ATAD2B: variants seen among roughly 807,000 people sequenced by gnomAD.
ATAD2B encodes ATPase family AAA domain-containing protein 2B.
A neutral mutation model predicts 167.6 loss-of-function variants in ATAD2B; 40 were observed. The ratio of observed to expected loss-of-function variants is 0.24; its 90% confidence interval spans 0.19 to 0.31. The LOEUF (loss-of-function observed/expected upper bound fraction) is 0.31. Ranked by LOEUF, ATAD2B falls within the 10% of genes least tolerant of loss-of-function variation. ATAD2B has a pLI of 1.00. For synonymous variants in ATAD2B, 579 were observed against 596.5 expected (o/e 0.97, Z 0.43); for missense variants, 1,242 against 1,757.2 (o/e 0.71, Z 5.24).
chr2:23,837,839 T>G (rs955092005), intron 13 of ATAD2B, among the ~76,000 whole-genome samples: 26 of 152,216 alleles, frequency 1.7e-4, no homozygotes, highest in Admixed American at 6.5e-5. Context: ...GGCTACCACT[T>G]TATGTTCAAC....
the ATAD2B span, among the ~76,000 whole-genome samples, chr2:23,700,649 G>T: frequency 2.0e-5 from 3 of 152,116 alleles, no homozygotes; most frequent in Non-Finnish European, 4.4e-5. This position sits in a 1 kb window ranked among gnomAD's most constrained non-coding sequence, Gnocchi z 4.6. Context: ...CTCAGCTCCG[G>T]ATTCTTTTCT....
chr2:23,762,280 A>G lies in ATAD2B; in HGVS notation c.3323T>C (p.Val1108Ala), dbSNP rs1484349101. 6.2e-7 allele frequency: 1 copy of G among 1,612,570 alleles called. No homozygotes were observed. Among genetic ancestry groups the G allele is most frequent in the Non-Finnish European group, 8.5e-7 (1 of 1,179,550 alleles). ...TTGTTTGTGCCGAAATGCCTCTTCG[A>G]CTCTAGTTTCTGTCTTCCGAGCTCC... Reference protein sequence around the residue: ...STGARKTETRVEEAFRHKQRN... With the variant: ...STGARKTETRAEEAFRHKQRN... Residue 1108 changes from valine (V) to alanine (A), a missense_variant, in exon 24 of 28, where the codon GTC (valine) becomes GCC (alanine). This residue lies in a region of ATAD2B where 204 missense variants were observed against 324.0 expected (regional missense o/e 0.63). Coordinates refer to ENST00000238789, the MANE Select transcript of ATAD2B (RefSeq NM_017552.4).
At chr2:23,764,408 T>A (rs113380833) in intron 23 of ATAD2B, among the ~76,000 whole-genome samples, 3 of 152,202 alleles carry the variant, frequency 2.0e-5, no homozygotes, top group African/African-American at 7.2e-5. Context: ...TCAGAGAATC[T>A]AATTCATAGG....
the ATAD2B span, among the ~76,000 whole-genome samples, chr2:23,721,815 C>T: frequency 2.0e-5 from 3 of 152,248 alleles, no homozygotes; most frequent in Non-Finnish European, 4.4e-5. Flanking sequence ...GCCCCCAGGC[C>T]AGCCAAGTGA....
chr2:23,761,402 C>T (rs146680333), intron 24 of ATAD2B, among the ~76,000 whole-genome samples: 3 of 152,338 alleles, frequency 2.0e-5, no homozygotes, highest in African/African-American at 4.8e-5. Context: ...TTCAAAGTAA[C>T]TGCTCGTTGG....
chr2:23,791,694 T>C (rs1189317524), intron 19 of ATAD2B, among the ~76,000 whole-genome samples: 1 of 152,248 alleles, frequency 6.6e-6, no homozygotes, highest in Non-Finnish European at 1.5e-5. Context: ...GCTTCATCCA[T>C]GTTACAACAT....
chr2:23,726,311 T>G, the ATAD2B span, among the ~76,000 whole-genome samples: 1 of 152,178 alleles, frequency 6.6e-6, no homozygotes. Flanking sequence ...CCCCAAAAAG[T>G]TAACTACTAA....
chr2:23,857,499 T>G lies in ATAD2B; in HGVS notation c.1484A>C (p.Tyr495Ser). Residue 495 changes from tyrosine (Y) to serine (S), a missense_variant, in exon 13 of 28, where the codon TAT becomes TCT. Physicochemically the swap from Tyr to Ser is moderately radical, Grantham distance 144. This residue lies in a region of ATAD2B where 151 missense variants were observed against 284.1 expected (regional missense o/e 0.53). Transcript: ENST00000238789. ...AAATATTATAGAAGGTCTCATCAAA[T>G]ATGCCTAGTAAGAAGAAAACAAATA... is the stretch of plus-strand genomic sequence containing the variant. ...RQLRLLFDQA[Y>S]LMRPSIIFFD... The G allele has an allele frequency of 5.1e-6, 7 of 1,384,916 alleles. No homozygotes were observed. The highest frequency in any genetic ancestry group is 6.7e-6 in the Non-Finnish European group (7 of 1,039,196). 85.8% of individuals were successfully genotyped at this position (1,384,916 alleles called of 1,614,324 possible). A position where few individuals can be genotyped will look rare whatever the true frequency, so the allele number is the denominator to read the frequency against.
intron 2 of ATAD2B, among the ~76,000 whole-genome samples, chr2:23,890,409 A>G (rs1699311688): frequency 6.6e-6 from 1 of 152,174 alleles, no homozygotes; most frequent in Non-Finnish European, 1.5e-5. Flanking sequence ...CACTGTATAC[A>G]ATGCACATGA....
intron 2 of ATAD2B, 80 bp downstream of exon 2, chr2:23,895,738 TA>T: frequency 9.8e-7 from 1 of 1,025,510 alleles, no homozygotes; most frequent in Non-Finnish European, 1.4e-6. Flanking sequence ...TTTTATAAGC[TA>T]AGAAAATTAG....
At chr2:23,746,268 C>T (rs563431552), downstream of ATAD2B, among the ~76,000 whole-genome samples, 2 of 152,328 alleles carry the variant, frequency 1.3e-5, no homozygotes, top group Admixed American at 6.5e-5. Context: ...AAACTGCCTA[C>T]ATTTGAATCC....
chr2:23,851,910 G>A (rs1010874805), intron 13 of ATAD2B, among the ~76,000 whole-genome samples: 8 of 139,578 alleles, frequency 5.7e-5, no homozygotes, highest in East Asian at 2.5e-4. Flanking sequence ...TCCTCTAGCC[G>A]GAGTAATCAA....
chr2:23,691,361 G>A, the ATAD2B span: 30 of 406,228 alleles, frequency 7.4e-5, no homozygotes, highest in Middle Eastern at 7.5e-4. Context: ...GGGCTGAACC[G>A]TATTGTTTCC....
the ATAD2B span, among the ~76,000 whole-genome samples, chr2:23,678,436 C>A: frequency 6.6e-6 from 1 of 152,202 alleles, no homozygotes; most frequent in Non-Finnish European, 1.5e-5. Flanking sequence ...CCTGGCACCA[C>A]TATCATAGGA....
chr2:23,806,161 A>G (rs1331266811), intron 18 of ATAD2B: 1 of 152,198 alleles, frequency 6.6e-6, no homozygotes, highest in East Asian at 1.9e-4. Context: ...AAGATAATAA[A>G]TATACTGACC....
chr2:23,710,258 A>G, the ATAD2B span, among the ~76,000 whole-genome samples: 1 of 151,940 alleles, frequency 6.6e-6, no homozygotes, highest in Non-Finnish European at 1.5e-5. Context: ...ACAGTTAAAG[A>G]GAATAGGTCT....
chr2:23,716,980 A>G, the ATAD2B span, among the ~76,000 whole-genome samples: 1 of 152,160 alleles, frequency 6.6e-6, no homozygotes, highest in Non-Finnish European at 1.5e-5. Flanking sequence ...TTTTCACCAA[A>G]ATAACTTAGG....
intron 7 of ATAD2B, among the ~76,000 whole-genome samples, chr2:23,876,613 T>A (rs1573190055): frequency 6.6e-6 from 1 of 152,144 alleles, no homozygotes; most frequent in African/African-American, 2.4e-5. Context: ...GTTAACTTTT[T>A]AAATAAAACC....
chr2:23,834,206 G>C (rs577799454), intron 13 of ATAD2B, 128 bp from the exon 14 acceptor site: 13 of 565,968 alleles, frequency 2.3e-5, no homozygotes, highest in Middle Eastern at 5.3e-4. Flanking sequence ...CCGTTGCCCA[G>C]GCTGGAGGGC....
Sources: gnomAD v4.1 joint callset for allele counts (sites outside exome capture counted in the v4.1 genomes callset) on GRCh38, gnomAD v4.1.1 for gene constraint, gnomAD v4.1.1 regional missense constraint, Gnocchi (gnomAD v3.1) non-coding constraint, MANE v1.5 for transcripts, NCBI Gene and HGNC (gene_info 2026-07-23, HGNC 2026-07-21) for gene names.